The following PPARGC1A variants were observed in gnomAD, a reference collection of about 807,000 sequenced individuals.
PPARGC1A encodes the protein PPARG coactivator 1 alpha, also known as peroxisome proliferator-activated receptor gamma coactivator 1-alpha.
In PPARGC1A, 25 loss-of-function variants were observed where a neutral mutation model predicts 88.7. The observed-to-expected ratio is 0.28, with a 90% CI of 0.21 to 0.39. The LOEUF is 0.39. Among genes scored for constraint, PPARGC1A ranks in the 10% least tolerant of loss-of-function variants. The pLI is 1.00. For synonymous variants in PPARGC1A, 363 were observed against 355.6 expected, an observed-to-expected ratio of 1.02 and a Z score of -0.24; for missense variants, 880 against 968.7, an observed-to-expected ratio of 0.91 and a Z score of 1.22.
the PPARGC1A span, among the ~76,000 whole-genome samples, chr4:24,102,460 G>T: frequency 6.6e-6 from 1 of 152,148 alleles, no homozygotes; most frequent in Non-Finnish European, 1.5e-5. Context: ...TGGGGACAAG[G>T]GTCCTTCTGA....
chr4:23,895,425 T>C (rs1462806679), intron 1 of PPARGC1A, among the ~76,000 whole-genome samples: 1 of 151,930 alleles, frequency 6.6e-6, no homozygotes, highest in African/African-American at 2.4e-5. Context: ...GCTTTGATAT[T>C]TGAATTTTGC....
the PPARGC1A span, among the ~76,000 whole-genome samples, chr4:24,238,934 T>C: frequency 6.6e-6 from 1 of 152,176 alleles, no homozygotes; most frequent in South Asian, 2.1e-4. Context: ...TGGGAATTTT[T>C]ACATTCTGTT....
the PPARGC1A span, among the ~76,000 whole-genome samples, chr4:24,248,224 A>G: frequency 6.6e-6 from 1 of 152,046 alleles, no homozygotes; most frequent in African/African-American, 2.4e-5. Context: ...TCCCGGGTTC[A>G]CGCCATTCTC....
Position 23,845,437 on chromosome 4 carries a change from G to A in PPARGC1A, c.235-13686C>T, listed in dbSNP as rs144493488. Among the ~76,000 whole-genome samples the A allele has an allele frequency of 2.7e-3, 405 of 152,120 alleles. 2 individuals are homozygous for A. The highest frequency in any genetic ancestry group is 8.5e-3 in the African/African-American group (352 of 41,514). On this transcript the variant is annotated intron_variant, in intron 2 of 12. Transcript: ENST00000264867. Reference sequence around the variant, plus strand: ...GATCTATATGGTATATTAAGATTGCGGACACTAAGATGCAGGTAACGTCAA... The same window carrying A: ...GATCTATATGGTATATTAAGATTGCAGACACTAAGATGCAGGTAACGTCAA...
chr4:23,947,798 A>AG, the PPARGC1A span, among the ~76,000 whole-genome samples: 1 of 152,026 alleles, frequency 6.6e-6, no homozygotes, highest in Admixed American at 6.6e-5. Flanking sequence ...GCTTGCAGAG[A>AG]GGAGCTCCAT....
At chr4:24,181,535 C>G in the PPARGC1A span, among the ~76,000 whole-genome samples, 2 of 152,130 alleles carry the variant, frequency 1.3e-5, no homozygotes, top group African/African-American at 4.8e-5. Context: ...TGATGAATGT[C>G]AATATGAGAG....
the PPARGC1A span, among the ~76,000 whole-genome samples, chr4:24,214,400 C>G: frequency 6.6e-6 from 1 of 152,102 alleles, no homozygotes; most frequent in Non-Finnish European, 1.5e-5. Context: ...ACACATGCCT[C>G]GAAAACTGTG....
the PPARGC1A span, among the ~76,000 whole-genome samples, chr4:24,243,770 C>G: frequency 1.3e-5 from 2 of 152,168 alleles, no homozygotes; most frequent in Admixed American, 1.3e-4. Flanking sequence ...GATTTAGATA[C>G]AGCTCAAAAG....
At chr4:24,280,826 G>T in the PPARGC1A span, among the ~76,000 whole-genome samples, 2 of 152,150 alleles carry the variant, frequency 1.3e-5, no homozygotes, top group African/African-American at 4.8e-5. Flanking sequence ...CCTCGTCTTT[G>T]GCATTCTGGG....
chr4:24,328,861 T>G, the PPARGC1A span, among the ~76,000 whole-genome samples: 1 of 152,206 alleles, frequency 6.6e-6, no homozygotes, highest in Non-Finnish European at 1.5e-5. Flanking sequence ...AACTGGTTAG[T>G]GCAGGTGGCT....
At chr4:24,320,020 C>T in the PPARGC1A span, among the ~76,000 whole-genome samples, 3 of 152,026 alleles carry the variant, frequency 2.0e-5, no homozygotes, top group Non-Finnish European at 4.4e-5. Context: ...GCAGAAAATA[C>T]CGACATCAGA....
the PPARGC1A span, among the ~76,000 whole-genome samples, chr4:23,955,931 C>T: frequency 6.6e-6 from 1 of 152,026 alleles, no homozygotes; most frequent in Non-Finnish European, 1.5e-5. Flanking sequence ...AGCCAGATTG[C>T]AAATTTTTCA....
chr4:23,948,685 T>C, the PPARGC1A span, among the ~76,000 whole-genome samples: 1 of 152,336 alleles, frequency 6.6e-6, no homozygotes, highest in African/African-American at 2.4e-5. Flanking sequence ...TTCCACTTCA[T>C]GCCTGTGGAC....
the PPARGC1A span, among the ~76,000 whole-genome samples, chr4:24,311,553 T>C: frequency 6.6e-6 from 1 of 151,740 alleles, no homozygotes; most frequent in African/African-American, 2.4e-5. Flanking sequence ...GGCAGGAGAA[T>C]GGCTTGGACC....
At chr4:24,315,702 G>A in the PPARGC1A span, among the ~76,000 whole-genome samples, 1 of 152,166 alleles carries the variant, frequency 6.6e-6, no homozygotes, top group Non-Finnish European at 1.5e-5. Context: ...CATCTAGTGG[G>A]TAGAAGCCAG....
At chr4:24,270,169 G>T in the PPARGC1A span, among the ~76,000 whole-genome samples, 1 of 152,090 alleles carries the variant, frequency 6.6e-6, no homozygotes, top group African/African-American at 2.4e-5. Context: ...TACACCATCT[G>T]CTATCTTGAT....
intron 2 of PPARGC1A, among the ~76,000 whole-genome samples, chr4:23,859,685 G>A (rs1730863607): frequency 6.6e-6 from 1 of 151,820 alleles, no homozygotes; most frequent in African/African-American, 2.4e-5. Flanking sequence ...GGAGGCTGAG[G>A]CAAGACAATG....
the PPARGC1A span, among the ~76,000 whole-genome samples, chr4:24,390,989 T>C: frequency 1.3e-5 from 2 of 152,098 alleles, no homozygotes; most frequent in Non-Finnish European, 2.9e-5. Flanking sequence ...AGGCCTGTTT[T>C]GAGTACTTCA....
At chr4:24,278,912 A>T in the PPARGC1A span, among the ~76,000 whole-genome samples, 6 of 152,230 alleles carry the variant, frequency 3.9e-5, no homozygotes, top group South Asian at 1.2e-3. Flanking sequence ...GGTCACTCTT[A>T]CTCACCAGAA....
Sources: gnomAD v4.1 joint callset for allele counts (sites outside exome capture counted in the v4.1 genomes callset) on GRCh38, gnomAD v4.1.1 for gene constraint, MANE v1.5 for transcripts, NCBI Gene and HGNC (gene_info 2026-07-23, HGNC 2026-07-21) for gene names.